Variants in TUSC3 observed in about 807,000 individuals in gnomAD.
TUSC3 encodes tumor suppressor candidate 3.
A neutral mutation model predicts 44.8 loss-of-function variants in TUSC3; 45 were observed. That is an observed-to-expected ratio of 1.00 (90% confidence interval 0.79 to 1.29). The LOEUF is 1.29. TUSC3 is among the 50% of genes most tolerant of loss of function. TUSC3 has a pLI of 0.00. For synonymous variants in TUSC3, 212 were observed against 152.9 expected (o/e 1.39, Z -2.85); for missense variants, 519 against 437.9 (o/e 1.19, Z -1.65).
chr8:15,798,116 T>C, the TUSC3 span, among the ~76,000 whole-genome samples: 1 of 152,188 alleles, frequency 6.6e-6, no homozygotes, highest in Non-Finnish European at 1.5e-5. Flanking sequence ...GTGGCTCTTC[T>C]CAGTCAAAAA....
In TUSC3 at chr8:15,441,933, C is replaced by G. The variant is rs1800025894; in HGVS notation, n.91+24628C>G. Among the ~76,000 whole-genome samples, 7 of 152,092 alleles carry G rather than the reference C, an allele frequency of 4.6e-5. 1 individual carries two copies. In the South Asian group the frequency reaches 1.0e-3, roughly 23 times the overall value. The stretch of plus-strand genomic sequence containing the variant: ...ATTTTAATGATCTGAAAGCAAGTCC[C>G]CAGGAGAAACTCCTATCCGGTCTCA... On this transcript the variant is annotated intron_variant and non_coding_transcript_variant, in intron 1 of 5. Transcript: ENST00000503191.
At chr8:15,424,953 G>T (rs34259085) in intron 1 of TUSC3, among the ~76,000 whole-genome samples, 49,901 of 151,782 alleles carry the variant, frequency 0.33, 8,397 homozygotes, top group Non-Finnish European at 0.36. Context: ...ATGTACAAAA[G>T]AATTATATCG....
intron 1 of TUSC3, among the ~76,000 whole-genome samples, chr8:15,456,303 G>C (rs1459402018): frequency 6.6e-6 from 1 of 152,132 alleles, no homozygotes; most frequent in Non-Finnish European, 1.5e-5. Context: ...TTTGTGCAAT[G>C]GGCAGGCGGA....
intron 1 of TUSC3, among the ~76,000 whole-genome samples, chr8:15,607,374 A>G (rs976174405): frequency 6.6e-6 from 1 of 152,048 alleles, no homozygotes; most frequent in Admixed American, 6.6e-5. Context: ...AAAACAGTCA[A>G]CTCCTTTACA....
chr8:15,594,250 G>C (rs539233075), intron 1 of TUSC3, among the ~76,000 whole-genome samples: 5 of 152,034 alleles, frequency 3.3e-5, no homozygotes, highest in African/African-American at 1.2e-4. Context: ...TTCACGTGTT[G>C]TAGTTTTCAT....
At chr8:15,636,501 G>A (rs1470445537) in intron 2 of TUSC3, among the ~76,000 whole-genome samples, 1 of 152,174 alleles carries the variant, frequency 6.6e-6, no homozygotes, top group East Asian at 1.9e-4. Context: ...TGTACTTGGT[G>A]GTCTTGTGAG....
intron 1 of TUSC3, among the ~76,000 whole-genome samples, chr8:15,420,950 A>G (rs1004234042): frequency 2.0e-5 from 3 of 152,158 alleles, no homozygotes. Flanking sequence ...GATTTAATCT[A>G]GTGTCTTTGA....
intron 1 of TUSC3, among the ~76,000 whole-genome samples, chr8:15,606,534 G>A (rs1804534730): frequency 6.6e-6 from 1 of 151,978 alleles, no homozygotes. Flanking sequence ...AAGTTAATGA[G>A]TGAATAGGCA....
Position 15,517,285 on chromosome 8 carries a change from C to G in TUSC3, n.189+33802C>G, listed in dbSNP as rs1031112727. Among the ~76,000 whole-genome samples the G allele has an allele frequency of 5.9e-5, 9 of 152,034 alleles. No homozygotes were observed. In the South Asian group the frequency reaches 6.2e-4, roughly 11 times the overall value. On this transcript the variant is annotated intron_variant and non_coding_transcript_variant, in intron 2 of 5. Coordinates refer to the TUSC3 transcript ENST00000503191. ...GTGTTGTAAAAATTTACGCCCATAGCTAAAATGAAAACTCAAGTCTCGTTT... is the reference window on the plus strand; with the variant it reads ...GTGTTGTAAAAATTTACGCCCATAGGTAAAATGAAAACTCAAGTCTCGTTT...
At chr8:15,796,555 A>G in the TUSC3 span, among the ~76,000 whole-genome samples, 1 of 152,228 alleles carries the variant, frequency 6.6e-6, no homozygotes, top group African/African-American at 2.4e-5. Flanking sequence ...CTGAGATTCA[A>G]CAGCCCCAGC....
In TUSC3 at chr8:15,484,254, A is replaced by G. The variant is rs1026910464; in HGVS notation, n.189+771A>G. On this transcript the variant is annotated intron_variant and non_coding_transcript_variant, in intron 2 of 5. Transcript: ENST00000503191. ...GTTTTCTAAATCCTTCTCATGATTCATCTCTTAACTCAAATGTCCACTCTG... is the reference window on the plus strand; with the variant it reads ...GTTTTCTAAATCCTTCTCATGATTCGTCTCTTAACTCAAATGTCCACTCTG... Among the ~76,000 whole-genome samples, 10 of 152,280 alleles carry G rather than the reference A, an allele frequency of 6.6e-5. No homozygotes were observed. The East Asian group carries it at 7.7e-4, about 12-fold the overall frequency.
At chr8:15,767,405 C>A (rs946100837), downstream of TUSC3, among the ~76,000 whole-genome samples, 1 of 149,358 alleles carries the variant, frequency 6.7e-6, no homozygotes, top group Non-Finnish European at 1.5e-5. Context: ...CAAGGAATTC[C>A]AGGGACATAC....
chr8:15,806,197 G>T, the TUSC3 span: 1 of 494,610 alleles, frequency 2.0e-6, no homozygotes, highest in Non-Finnish European at 3.9e-6. Context: ...TTTTTATAAA[G>T]ATTCCGTCTT....
chr8:15,482,766 T>C (rs1800679369), intron 1 of TUSC3, among the ~76,000 whole-genome samples: 1 of 152,170 alleles, frequency 6.6e-6, no homozygotes, highest in Non-Finnish European at 1.5e-5. Flanking sequence ...AATCTGTATA[T>C]ACAGAAATTC....
chr8:15,623,411 A>T (rs529915637), intron 2 of TUSC3, among the ~76,000 whole-genome samples, 162 bp downstream of exon 2: 41 of 152,324 alleles, frequency 2.7e-4, no homozygotes, highest in Non-Finnish European at 5.1e-4. Flanking sequence ...TATTTTAGAA[A>T]TATAGGCTAA....
intron 6 of TUSC3, among the ~76,000 whole-genome samples, chr8:15,688,394 A>G (rs756532811): frequency 2.6e-5 from 4 of 151,206 alleles, no homozygotes; most frequent in Admixed American, 1.3e-4. Flanking sequence ...GTAACCTTAC[A>G]TAAAATAAAC....
intron 2 of TUSC3, among the ~76,000 whole-genome samples, chr8:15,489,061 C>T (rs914880560): frequency 6.6e-6 from 1 of 151,982 alleles, no homozygotes; most frequent in Non-Finnish European, 1.5e-5. Context: ...TATGAGTGAC[C>T]AAGACTGAGG....
At chr8:15,684,576 A>G (rs563315646) in intron 6 of TUSC3, among the ~76,000 whole-genome samples, 5 of 152,286 alleles carry the variant, frequency 3.3e-5, no homozygotes, top group East Asian at 3.9e-4. Context: ...TCCCTGGGGA[A>G]GAAGCTGCAG....
chr8:15,806,978 T>C, the TUSC3 span: 2 of 1,465,044 alleles, frequency 1.4e-6, no homozygotes, highest in Non-Finnish European at 1.9e-6. Context: ...AGGAAACCTG[T>C]TCTGATTCCA....
Sources: allele counts gnomAD v4.1 joint callset (sites outside exome capture counted in the v4.1 genomes callset), GRCh38; gene constraint gnomAD v4.1.1; transcripts MANE v1.5; gene names NCBI Gene and HGNC (gene_info 2026-07-23, HGNC 2026-07-21).